UBE2E3: variants seen among roughly 807,000 people sequenced by gnomAD.
The protein encoded by UBE2E3 is ubiquitin conjugating enzyme E2 E3, also known as ubiquitin-conjugating enzyme E2 E3.
In UBE2E3, 5 loss-of-function variants were observed where a neutral mutation model predicts 23.6. The ratio of observed to expected loss-of-function variants is 0.21; its 90% CI spans 0.11 to 0.44. UBE2E3 has a LOEUF of 0.44. UBE2E3 is among the 20% of genes least tolerant of loss of function. The pLI, the probability that UBE2E3 is intolerant of heterozygous loss-of-function variation, is 0.99. For synonymous variants in UBE2E3, 78 were observed against 87.5 expected, an observed-to-expected ratio of 0.89 and a Z score of 0.60; for missense variants, 81 against 249.8, an observed-to-expected ratio of 0.32 and a Z score of 4.55.
intron 3 of UBE2E3, among the ~76,000 whole-genome samples, chr2:181,010,804 T>C (rs1685301598): frequency 6.6e-6 from 1 of 151,652 alleles, no homozygotes; most frequent in Non-Finnish European, 1.5e-5. Context: ...TGTTGTCATA[T>C]CCTCCTCTTT....
At chr2:180,991,989 T>G (rs75188470) in intron 3 of UBE2E3, among the ~76,000 whole-genome samples, 1 of 152,342 alleles carries the variant, frequency 6.6e-6, no homozygotes, top group African/African-American at 2.4e-5. Context: ...AGGTAGGGAC[T>G]GCTCTGCTAC....
At chr2:181,042,685 G>C (rs1285892710) in intron 3 of UBE2E3, among the ~76,000 whole-genome samples, 1 of 152,132 alleles carries the variant, frequency 6.6e-6, no homozygotes, top group Non-Finnish European at 1.5e-5. Context: ...TGTAAGACTA[G>C]GGACCCATAC....
At position 181,016,117 on chromosome 2, in the gene UBE2E3, A is replaced by C. The variant is rs373198146; in HGVS notation, c.245+32024A>C. Among the ~76,000 whole-genome samples, 22 of 152,236 alleles carry C rather than the reference A, an allele frequency of 1.4e-4. No homozygotes were observed. The East Asian group carries it at 2.1e-3, about 15-fold the overall frequency. ...GCAGACCTTGAAATAAATACTAGTG[A>C]ACAATGTAGTGGGCCCGGTTTCAAA... On this transcript the variant is annotated intron_variant, in intron 3 of 5. Transcript: ENST00000410062.
intron 3 of UBE2E3, among the ~76,000 whole-genome samples, chr2:180,993,801 T>C (rs1684746597): frequency 6.6e-6 from 1 of 152,204 alleles, no homozygotes; most frequent in Non-Finnish European, 1.5e-5. Flanking sequence ...ATATTTTTTA[T>C]GGCTTCCTAT....
intron 3 of UBE2E3, among the ~76,000 whole-genome samples, chr2:180,996,044 T>C (rs887107986): frequency 1.3e-5 from 2 of 152,194 alleles, no homozygotes; most frequent in African/African-American, 2.4e-5. Context: ...CACTTCATAA[T>C]TGTATTTCAA....
intron 3 of UBE2E3, among the ~76,000 whole-genome samples, chr2:181,033,813 A>G (rs1248485003): frequency 6.6e-6 from 1 of 152,182 alleles, no homozygotes; most frequent in South Asian, 2.1e-4. Context: ...GAATCTACAA[A>G]GAACTCAAAC....
At chr2:181,023,650 A>G (rs1208958503) in intron 3 of UBE2E3, among the ~76,000 whole-genome samples, 1 of 152,188 alleles carries the variant, frequency 6.6e-6, no homozygotes, top group Non-Finnish European at 1.5e-5. Flanking sequence ...ATTTCTGGGC[A>G]TAAAAATTGG....
At chr2:181,033,749 CAG>C (rs2105651597) in intron 3 of UBE2E3, among the ~76,000 whole-genome samples, 1 of 152,256 alleles carries the variant, frequency 6.6e-6, no homozygotes, top group East Asian at 1.9e-4. Context: ...AGGCAACCTA[CAG>C]AATGGGAGAA....
chr2:181,006,545 T>C (rs1216466282), intron 3 of UBE2E3, among the ~76,000 whole-genome samples: 1 of 152,092 alleles, frequency 6.6e-6, no homozygotes, highest in Non-Finnish European at 1.5e-5. Context: ...AGCACACTTA[T>C]ATGCATGTTA....
intron 3 of UBE2E3, among the ~76,000 whole-genome samples, chr2:180,991,340 A>G (rs1574159538): frequency 1.3e-5 from 2 of 152,300 alleles, no homozygotes; most frequent in Admixed American, 1.3e-4. Context: ...ATACGTTTAC[A>G]TAAGGGTTAC....
chr2:180,997,714 AT>A (rs1684868519), intron 3 of UBE2E3, among the ~76,000 whole-genome samples: 1 of 152,066 alleles, frequency 6.6e-6, no homozygotes, highest in Non-Finnish European at 1.5e-5. Flanking sequence ...GAAAAGTCTT[AT>A]GTTGTAGCAA....
At chr2:181,058,462 A>G (rs955502588) in intron 4 of UBE2E3, among the ~76,000 whole-genome samples, 1 of 151,692 alleles carries the variant, frequency 6.6e-6, no homozygotes, top group Admixed American at 6.6e-5. Flanking sequence ...GCTTAAATAT[A>G]ACAATTACTT....
At position 180,982,001 on chromosome 2, in the gene UBE2E3, C is replaced by G. The variant is rs117124069; in HGVS notation, c.-25-17C>G. 8.4e-6 allele frequency: 13 copies of G among 1,550,194 alleles called. No homozygotes were observed. The highest frequency in any genetic ancestry group is 2.3e-5 in the East Asian group (1 of 44,288). ...ATTTAACATTTTCTCCTCCTCCTCC[C>G]CTGTTCTCTTTAAAAGTTTTCCAAG... is the stretch of plus-strand genomic sequence containing the variant. On this transcript the variant is annotated splice_polypyrimidine_tract_variant and intron_variant, in intron 1 of 5. Transcript: ENST00000410062.
rs60942217 is a variant in UBE2E3, at chr2:181,029,989, A to G, written c.246-27704A>G. Among the ~76,000 whole-genome samples the G allele has an allele frequency of 8.5e-3, 1,286 of 151,968 alleles. 22 individuals are homozygous for G. Among genetic ancestry groups the G allele is most frequent in the African/African-American group, 0.029 (1,222 of 41,436 alleles). ...GCTGGGACTACAGGCGCCCGCCACC[A>G]TGCCTGGCTAATTTTTGTATTTTTA... On this transcript the variant is annotated intron_variant, in intron 3 of 5. Transcript: ENST00000410062.
chr2:181,053,212 G>A (rs903177841), intron 3 of UBE2E3, among the ~76,000 whole-genome samples: 22 of 151,766 alleles, frequency 1.4e-4, no homozygotes, highest in African/African-American at 4.4e-4. Flanking sequence ...TGGTCAATTC[G>A]AAGGCACTCT....
chr2:181,000,984 GCAT>G (rs751169723), intron 3 of UBE2E3, among the ~76,000 whole-genome samples: 2 of 152,294 alleles, frequency 1.3e-5, no homozygotes, highest in Admixed American at 6.5e-5. Context: ...TGTATGTTGT[GCAT>G]CATCAACTCA....
chr2:181,027,057 CTAACTTATCCTACT>C (rs1484161995), intron 3 of UBE2E3, among the ~76,000 whole-genome samples: 1 of 151,832 alleles, frequency 6.6e-6, no homozygotes, highest in Non-Finnish European at 1.5e-5. Context: ...TAACTTTATT[CTAACTTATCCTACT>C]ACTAGGAATG....
intron 3 of UBE2E3, among the ~76,000 whole-genome samples, chr2:181,034,417 T>A (rs1344428716): frequency 6.6e-6 from 1 of 152,196 alleles, no homozygotes; most frequent in African/African-American, 2.4e-5. Flanking sequence ...CTCAGCAAAC[T>A]GTTGCAAGAA....
chr2:181,034,099 C>T (rs1471429017), intron 3 of UBE2E3, among the ~76,000 whole-genome samples: 4 of 152,180 alleles, frequency 2.6e-5, no homozygotes, highest in Non-Finnish European at 5.9e-5. Flanking sequence ...CTAGTTCAAC[C>T]ATTGTGGAAG....
Sources: gnomAD v4.1 joint callset for allele counts (sites outside exome capture counted in the v4.1 genomes callset) on GRCh38, gnomAD v4.1.1 for gene constraint, MANE v1.5 for transcripts, NCBI Gene and HGNC (gene_info 2026-07-23, HGNC 2026-07-21) for gene names.